MSI2: variants seen among roughly 807,000 people sequenced by gnomAD.
MSI2 encodes RNA-binding protein Musashi homolog 2.
In MSI2, 17 loss-of-function variants were observed where a neutral mutation model predicts 45.6. The observed-to-expected ratio is 0.37, with a 90% CI of 0.26 to 0.56. The LOEUF is 0.56. MSI2 is among the 20% of genes least tolerant of loss of function. The pLI is 0.77. For missense variants in MSI2, 293 were observed against 444.2 expected, an observed-to-expected ratio of 0.66 and a Z score of 3.06; for synonymous variants, 156 against 158.2, an observed-to-expected ratio of 0.99 and a Z score of 0.11.
chr17:57,474,143 C>G (rs1005535426), intron 6 of MSI2, among the ~76,000 whole-genome samples: 4 of 152,080 alleles, frequency 2.6e-5, no homozygotes, highest in Non-Finnish European at 5.9e-5. Flanking sequence ...GCTTTTTCCT[C>G]CCTCTCTCCT....
chr17:57,594,991 C>T (rs148113890), intron 7 of MSI2, among the ~76,000 whole-genome samples: 3 of 152,272 alleles, frequency 2.0e-5, no homozygotes, highest in Middle Eastern at 3.4e-3. Flanking sequence ...GGTCCTAGCC[C>T]TCTGTTTTAC....
chr17:57,569,046 G>T (rs2087808487), intron 7 of MSI2, among the ~76,000 whole-genome samples: 1 of 152,046 alleles, frequency 6.6e-6, no homozygotes, highest in Admixed American at 6.6e-5. Flanking sequence ...TGGGTCAGGT[G>T]CAACATCTCT....
chr17:57,638,725 A>G (rs1426905478), intron 10 of MSI2, among the ~76,000 whole-genome samples: 1 of 150,670 alleles, frequency 6.6e-6, no homozygotes, highest in Non-Finnish European at 1.5e-5. Flanking sequence ...CTCTGTCTCA[A>G]CAAAATATTT....
chr17:57,470,084 A>C (rs1388125249), intron 6 of MSI2, among the ~76,000 whole-genome samples: 1 of 151,690 alleles, frequency 6.6e-6, no homozygotes, highest in Non-Finnish European at 1.5e-5. Flanking sequence ...CCCCCACCCC[A>C]AGGCTGACTG....
At position 57,450,562 on chromosome 17, in the gene MSI2, C is replaced by T. The variant is rs185732773; in HGVS notation, c.405+49091C>T. Among the ~76,000 whole-genome samples, 104 of 147,958 alleles carry T rather than the reference C, an allele frequency of 7.0e-4. 1 individual carries two copies. In the East Asian group the frequency reaches 0.018, roughly 26 times the overall value. Reference sequence around the variant, plus strand: ...GTGCATGCCTGTTATCCCAATTACTCGGGAGGCTGAGGCAGGAAAATTCGC... The same window carrying T: ...GTGCATGCCTGTTATCCCAATTACTTGGGAGGCTGAGGCAGGAAAATTCGC... On this transcript the variant is annotated intron_variant, in intron 6 of 13. Transcript: ENST00000284073.
intron 10 of MSI2, among the ~76,000 whole-genome samples, chr17:57,635,931 A>G (rs1909801068): frequency 6.6e-6 from 1 of 152,166 alleles, no homozygotes; most frequent in South Asian, 2.1e-4. Flanking sequence ...CTTGCCTTCT[A>G]TATTCCTGTC....
intron 6 of MSI2, among the ~76,000 whole-genome samples, chr17:57,528,278 A>G (rs545065112): frequency 6.6e-6 from 1 of 152,330 alleles, no homozygotes; most frequent in African/African-American, 2.4e-5. Flanking sequence ...GGAGTGGGTC[A>G]TAAATACTCA....
chr17:57,330,013 G>T (rs1227576407), intron 5 of MSI2, among the ~76,000 whole-genome samples: 1 of 151,076 alleles, frequency 6.6e-6, no homozygotes, highest in Non-Finnish European at 1.5e-5. Flanking sequence ...TGCCTATGGT[G>T]CCTTCATGGA....
Position 57,683,809 on chromosome 17 carries a change from C to T in MSI2, c.*4292C>T, listed in dbSNP as rs938179307. 1 of 232,170 alleles carries T rather than the reference C, an allele frequency of 4.3e-6. No homozygotes were observed. The highest frequency in any genetic ancestry group is 2.2e-5 in the African/African-American group (1 of 45,180). 14.4% of individuals were successfully genotyped at this position (232,170 alleles called of 1,614,324 possible). On this transcript the variant is annotated 3_prime_UTR_variant, in exon 14 of 14. Transcript: ENST00000284073. The surrounding 1 kb of genome is among the most constrained non-coding windows in gnomAD (Gnocchi z 5.2). Reference sequence around the variant, plus strand: ...ACACTGGCGGGTTTCCCCACCCTCACCCCAAAGCAGAAAACTAGCAGACGT... The same window carrying T: ...ACACTGGCGGGTTTCCCCACCCTCATCCCAAAGCAGAAAACTAGCAGACGT...
chr17:57,561,615 T>C (rs1177056211), intron 7 of MSI2, among the ~76,000 whole-genome samples: 1 of 152,070 alleles, frequency 6.6e-6, no homozygotes, highest in African/African-American at 2.4e-5. Context: ...TAGGAGGCTG[T>C]GCTAATGAGG....
At chr17:57,299,523 G>A (rs539714687) in intron 5 of MSI2, among the ~76,000 whole-genome samples, 1 of 152,310 alleles carries the variant, frequency 6.6e-6, no homozygotes, top group South Asian at 2.1e-4. Flanking sequence ...CTGCGGGAAG[G>A]GGAAGGGACG....
At chr17:57,573,638 C>T (rs781710295) in intron 7 of MSI2, among the ~76,000 whole-genome samples, 48 of 152,234 alleles carry the variant, frequency 3.2e-4, no homozygotes, top group Non-Finnish European at 4.7e-4. Context: ...CAAGGATAAC[C>T]GACCAGCCAT....
chr17:57,360,559 T>C (rs1392183979), intron 5 of MSI2, among the ~76,000 whole-genome samples: 1 of 152,248 alleles, frequency 6.6e-6, no homozygotes, highest in African/African-American at 2.4e-5. Flanking sequence ...TCATTTAATC[T>C]GGTAGCACTG....
chr17:57,279,718 C>T (rs1243665992), intron 5 of MSI2: 1 of 152,172 alleles, frequency 6.6e-6, no homozygotes, highest in African/African-American at 2.4e-5. Flanking sequence ...AATCAAAGCT[C>T]ACTGCAGCCT....
chr17:57,365,140 A>G (rs1598174014), intron 5 of MSI2: 1 of 152,332 alleles, frequency 6.6e-6, no homozygotes, highest in East Asian at 1.9e-4. Flanking sequence ...AGAGAAATGT[A>G]TCCTGTGTTG....
chr17:57,370,615 T>A (rs1428446974), intron 5 of MSI2, among the ~76,000 whole-genome samples: 9 of 152,044 alleles, frequency 5.9e-5, no homozygotes, highest in Admixed American at 5.9e-4. Flanking sequence ...TTCTGTTAGG[T>A]TTTAAGTTGA....
At chr17:57,700,917 A>T in the MSI2 span, among the ~76,000 whole-genome samples, 1 of 147,176 alleles carries the variant, frequency 6.8e-6, no homozygotes, top group Admixed American at 6.7e-5. Flanking sequence ...AAAAAAAAAA[A>T]TTTAATAATG....
chr17:57,317,635 C>T (rs906497632), intron 5 of MSI2, among the ~76,000 whole-genome samples: 2 of 151,700 alleles, frequency 1.3e-5, no homozygotes, highest in African/African-American at 4.9e-5. Flanking sequence ...CTCAGCCCCC[C>T]ATGTAGCTGG....
chr17:57,685,034 C>A (rs1239681016), downstream of MSI2, among the ~76,000 whole-genome samples: 2 of 152,162 alleles, frequency 1.3e-5, no homozygotes, highest in East Asian at 3.8e-4. Flanking sequence ...AAGGGGCCCT[C>A]CCGGGTGCTG....
Sources: gnomAD v4.1 joint callset for allele counts (sites outside exome capture counted in the v4.1 genomes callset) on GRCh38, gnomAD v4.1.1 for gene constraint, Gnocchi (gnomAD v3.1) non-coding constraint, MANE v1.5 for transcripts, NCBI Gene and HGNC (gene_info 2026-07-23, HGNC 2026-07-21) for gene names.